The following TYR variants were observed in gnomAD, a reference collection of about 807,000 sequenced individuals.
TYR encodes tyrosinase.
In TYR, 58 loss-of-function variants were observed where a neutral mutation model predicts 51.5. The ratio of observed to expected loss-of-function variants is 1.13; its 90% confidence interval spans 0.91 to 1.40. The LOEUF (loss-of-function observed/expected upper bound fraction) is 1.40, where lower values mean the gene tolerates loss of function less well. Ranked by LOEUF, TYR falls within the 40% of genes most tolerant of loss-of-function variation. TYR has a pLI of 0.00. For synonymous variants in TYR, 263 were observed against 235.2 expected, an observed-to-expected ratio of 1.12 and a Z score of -1.08; for missense variants, 732 against 647.4, an observed-to-expected ratio of 1.13 and a Z score of -1.42.
At chr11:89,274,808 T>C (rs1275424640) in intron 3 of TYR, among the ~76,000 whole-genome samples, 3 of 151,822 alleles carry the variant, frequency 2.0e-5, no homozygotes, top group Non-Finnish European at 4.4e-5. Context: ...TCTGGCAGGT[T>C]CTTCCTACGT....
chr11:89,279,856 T>C (rs1415781674), intron 3 of TYR, among the ~76,000 whole-genome samples: 5 of 151,764 alleles, frequency 3.3e-5, no homozygotes, highest in Non-Finnish European at 5.9e-5. Flanking sequence ...GTGCATCTCA[T>C]ACTTAGTGAG....
chr11:89,284,262 A>G (rs933255888), intron 3 of TYR, among the ~76,000 whole-genome samples: 2 of 151,822 alleles, frequency 1.3e-5, no homozygotes, highest in African/African-American at 2.4e-5. Context: ...AACCATTGTC[A>G]TTGGAGGTAA....
intron 3 of TYR, among the ~76,000 whole-genome samples, chr11:89,271,094 T>C (rs766991522): frequency 4.5e-4 from 68 of 151,962 alleles, no homozygotes; most frequent in Non-Finnish European, 6.3e-4. Context: ...AGAACCCCTA[T>C]GGAAGAAAAA....
intron 3 of TYR, among the ~76,000 whole-genome samples, chr11:89,277,598 A>G (rs548621989): frequency 6.6e-6 from 1 of 151,748 alleles, no homozygotes; most frequent in South Asian, 2.1e-4. Flanking sequence ...ATGTCTCAAA[A>G]ACATCTTACA....
intron 2 of TYR, among the ~76,000 whole-genome samples, chr11:89,210,014 A>G (rs139770322): frequency 0.017 from 2,526 of 152,288 alleles, 62 homozygotes; most frequent in African/African-American, 0.056. Flanking sequence ...ATGGGGAGAA[A>G]CCAGAGTAGA....
At chr11:89,208,148 T>C (rs1467021021) in intron 2 of TYR, among the ~76,000 whole-genome samples, 2 of 152,170 alleles carry the variant, frequency 1.3e-5, no homozygotes, top group African/African-American at 2.4e-5. Flanking sequence ...CGGGCACCTG[T>C]AGTACTAGCT....
At chr11:89,235,281 A>C (rs896987284) in intron 3 of TYR, among the ~76,000 whole-genome samples, 1 of 152,322 alleles carries the variant, frequency 6.6e-6, no homozygotes, top group Admixed American at 6.5e-5. Flanking sequence ...TCAGTAAACT[A>C]AAGATAGAAT....
intron 3 of TYR, among the ~76,000 whole-genome samples, chr11:89,231,253 G>A (rs1487280528): frequency 6.7e-6 from 1 of 150,154 alleles, no homozygotes. Flanking sequence ...GGAAAACATA[G>A]CAGTTTCTTA....
chr11:89,189,789 G>A (rs940167760), intron 1 of TYR, among the ~76,000 whole-genome samples: 3 of 152,112 alleles, frequency 2.0e-5, no homozygotes, highest in Non-Finnish European at 2.9e-5. Context: ...AGTGGTAGAT[G>A]CAACACTAGA....
chr11:89,264,543 C>T (rs574828091), intron 3 of TYR, among the ~76,000 whole-genome samples: 11 of 151,796 alleles, frequency 7.2e-5, no homozygotes, highest in Admixed American at 6.6e-4. Context: ...AAATACCATT[C>T]GACCCAGCAA....
At chr11:89,229,616 G>C (rs2135283205) in intron 3 of TYR, among the ~76,000 whole-genome samples, 1 of 151,970 alleles carries the variant, frequency 6.6e-6, no homozygotes. Flanking sequence ...TATTGTTTCT[G>C]TTTACTGATG....
In TYR at chr11:89,240,161, G is replaced by T. The variant is rs1944172974; in HGVS notation, c.1184+12191G>T. On this transcript the variant is annotated intron_variant, in intron 3 of 4. Transcript: ENST00000263321. Reference sequence around the variant, plus strand: ...GCTGGGCTTAATACCTGGTTGATGGGTTGATCTGTGAAGCAAACCACCCTG... The same window carrying T: ...GCTGGGCTTAATACCTGGTTGATGGTTTGATCTGTGAAGCAAACCACCCTG... 2.0e-5 allele frequency among the ~76,000 whole-genome samples: 3 copies of T among 152,008 alleles called. No homozygotes were observed. The South Asian group carries it at 6.2e-4, about 31-fold the overall frequency.
chr11:89,186,125 T>C (rs910683781), intron 1 of TYR, among the ~76,000 whole-genome samples: 2 of 152,104 alleles, frequency 1.3e-5, no homozygotes, highest in African/African-American at 4.8e-5. Flanking sequence ...GCACAAGCAG[T>C]GTCCAGAGAA....
chr11:89,285,538 A>T (rs1037076624), intron 4 of TYR, among the ~76,000 whole-genome samples: 1 of 151,828 alleles, frequency 6.6e-6, no homozygotes, highest in African/African-American at 2.4e-5. Flanking sequence ...CCCCAGGATT[A>T]GAATTAGATT....
intron 4 of TYR, among the ~76,000 whole-genome samples, chr11:89,292,621 A>G (rs1268377759): frequency 1.3e-5 from 2 of 152,184 alleles, no homozygotes; most frequent in African/African-American, 2.4e-5. Flanking sequence ...TTTACAATAA[A>G]GGAATCAATA....
chr11:89,211,467 C>G (rs1943754633), intron 2 of TYR, among the ~76,000 whole-genome samples: 1 of 152,078 alleles, frequency 6.6e-6, no homozygotes, highest in Admixed American at 6.6e-5. Flanking sequence ...TCTTAGAGAC[C>G]TACAAAGAGA....
rs759359525 is a variant in TYR at position 89,178,684 on chromosome 11, G to A, written c.731G>A (p.Cys244Tyr). The A allele has an allele frequency of 6.2e-7, 1 of 1,613,758 alleles. No homozygotes were observed. Among genetic ancestry groups the A allele is most frequent in the African/African-American group, 1.3e-5 (1 of 74,888 alleles). The change falls in exon 1 of 5, where the codon TGT (cysteine) becomes TAT (tyrosine). Residue 244 changes from cysteine (C) to tyrosine (Y), a missense_variant. Coordinates refer to ENST00000263321, the MANE Select transcript of TYR (RefSeq NM_000372.5). ...TGGGACTGGCGGGATGCAGAAAAGTGTGACATTTGCACAGATGAGTACATG... is the reference window on the plus strand; with the variant it reads ...TGGGACTGGCGGGATGCAGAAAAGTATGACATTTGCACAGATGAGTACATG... ...PYWDWRDAEKCDICTDEYMGG... is the reference protein window; with the variant it reads ...PYWDWRDAEKYDICTDEYMGG...
At chr11:89,278,731 C>G (rs1486897333) in intron 3 of TYR, among the ~76,000 whole-genome samples, 3 of 151,642 alleles carry the variant, frequency 2.0e-5, no homozygotes, top group Non-Finnish European at 4.4e-5. Flanking sequence ...CATTAAAGAA[C>G]CATGTTGATA....
At chr11:89,288,333 T>C (rs1232480327) in intron 4 of TYR, among the ~76,000 whole-genome samples, 1 of 151,996 alleles carries the variant, frequency 6.6e-6, no homozygotes, top group African/African-American at 2.4e-5. Context: ...TGTCAAATAC[T>C]GAATCCAAAA....
Sources: gnomAD v4.1 joint callset for allele counts (sites outside exome capture counted in the v4.1 genomes callset) on GRCh38, gnomAD v4.1.1 for gene constraint, MANE v1.5 for transcripts, NCBI Gene and HGNC (gene_info 2026-07-23, HGNC 2026-07-21) for gene names.